Variants in CAMTA1 observed in about 807,000 individuals in gnomAD.
The protein encoded by CAMTA1 is calmodulin-binding transcription activator 1.
In CAMTA1, 27 loss-of-function variants were observed where a neutral mutation model predicts 170.9. The ratio of observed to expected loss-of-function variants is 0.16; its 90% CI spans 0.12 to 0.22. CAMTA1 has a LOEUF of 0.22. Ranked by LOEUF, CAMTA1 falls within the 10% of genes least tolerant of loss-of-function variation. CAMTA1 has a pLI of 1.00. For missense variants in CAMTA1, 1,619 were observed against 2,217.2 expected (o/e 0.73, Z 5.42); for synonymous variants, 833 against 891.5 (o/e 0.93, Z 1.17).
chr1:7,703,909 C>A (rs994639055), intron 11 of CAMTA1, among the ~76,000 whole-genome samples: 4 of 152,094 alleles, frequency 2.6e-5, no homozygotes, highest in African/African-American at 7.2e-5. Flanking sequence ...GTGCGCAGGG[C>A]TGGAGCTGGA....
intron 5 of CAMTA1, among the ~76,000 whole-genome samples, chr1:7,339,620 G>T (rs551035605): frequency 6.6e-6 from 1 of 152,060 alleles, no homozygotes; most frequent in East Asian, 1.9e-4. Flanking sequence ...TTTTGTTTTT[G>T]AGAAAGAGTT....
intron 5 of CAMTA1, among the ~76,000 whole-genome samples, chr1:7,357,152 G>T (rs1183660935): frequency 1.3e-5 from 2 of 152,228 alleles, no homozygotes; most frequent in Non-Finnish European, 2.9e-5. Context: ...TGAAACCAAG[G>T]GCCCTGCGAT....
chr1:6,880,233 C>T (rs901762880), intron 3 of CAMTA1, among the ~76,000 whole-genome samples: 5 of 152,022 alleles, frequency 3.3e-5, no homozygotes, highest in Non-Finnish European at 7.4e-5. Flanking sequence ...ACCACCACGC[C>T]CAGCTAACTT....
chr1:6,959,180 T>C (rs1028969158), intron 3 of CAMTA1, among the ~76,000 whole-genome samples: 4 of 152,212 alleles, frequency 2.6e-5, no homozygotes, highest in Non-Finnish European at 5.9e-5. Context: ...GAAAAAATTA[T>C]ATAGATATCC....
intron 6 of CAMTA1, among the ~76,000 whole-genome samples, chr1:7,583,704 T>C (rs1576227891): frequency 6.6e-6 from 1 of 152,094 alleles, no homozygotes; most frequent in South Asian, 2.1e-4. Context: ...GGAGGCTCTG[T>C]CCCGTCCCAA....
chr1:7,718,117 T>A (rs551565318), intron 11 of CAMTA1, among the ~76,000 whole-genome samples: 179 of 152,074 alleles, frequency 1.2e-3, no homozygotes, highest in African/African-American at 4.2e-3. Flanking sequence ...GTTTTTGTAG[T>A]CCCGGTGGCT....
intron 4 of CAMTA1, among the ~76,000 whole-genome samples, chr1:7,150,712 G>A (rs1300830053): frequency 6.6e-6 from 1 of 151,986 alleles, no homozygotes; most frequent in Non-Finnish European, 1.5e-5. Context: ...ACCAAGTATT[G>A]GGATGTGCAG....
intron 5 of CAMTA1, among the ~76,000 whole-genome samples, chr1:7,406,308 A>G (rs2090283135): frequency 6.6e-6 from 1 of 152,212 alleles, no homozygotes; most frequent in Non-Finnish European, 1.5e-5. Context: ...CTGACAAGGA[A>G]GGACGAGGCT....
rs118134359 is a variant in CAMTA1, at chr1:7,651,687, G to C, written c.665-10039G>C. Among the ~76,000 whole-genome samples the C allele has an allele frequency of 2.5e-4, 38 of 152,378 alleles. 1 individual carries two copies. The East Asian group carries it at 6.6e-3, about 26-fold the overall frequency. On this transcript the variant is annotated intron_variant, in intron 7 of 22. Coordinates refer to ENST00000303635, the MANE Select transcript of CAMTA1 (RefSeq NM_015215.4). ...ATCCAGGGGTGGGGCCACCTACCTG[G>C]ATAGGGCCCAGTGGCATACAGTCAG...
At chr1:6,850,054 AAAGTT>A (rs1659802886) in intron 3 of CAMTA1, among the ~76,000 whole-genome samples, 2 of 151,932 alleles carry the variant, frequency 1.3e-5, no homozygotes, top group Admixed American at 6.6e-5. Flanking sequence ...AAAAAAAAAA[AAAGTT>A]AGTTTAGGTC....
chr1:7,000,733 C>T (rs1328751125), intron 3 of CAMTA1, among the ~76,000 whole-genome samples: 1 of 152,214 alleles, frequency 6.6e-6, no homozygotes, highest in East Asian at 1.9e-4. Context: ...TACCTGTTGA[C>T]CTCCCCCAAT....
At chr1:7,590,183 C>T (rs1226742723) in intron 6 of CAMTA1, among the ~76,000 whole-genome samples, 2 of 152,170 alleles carry the variant, frequency 1.3e-5, no homozygotes, top group East Asian at 1.9e-4. Context: ...GCCCCCAACA[C>T]GGCCCTCACA....
At chr1:7,001,897 CTTTTT>C (rs35997562) in intron 3 of CAMTA1, among the ~76,000 whole-genome samples, 1 of 137,430 alleles carries the variant, frequency 7.3e-6, no homozygotes, top group Non-Finnish European at 1.6e-5. Context: ...TCTTCTTCTT[CTTTTT>C]TTTTTTTTTT....
intron 7 of CAMTA1, among the ~76,000 whole-genome samples, chr1:7,654,250 G>A (rs980354400): frequency 2.0e-5 from 3 of 151,864 alleles, no homozygotes; most frequent in Non-Finnish European, 4.4e-5. Context: ...GCGTGGTGGC[G>A]CACACCTGTA....
chr1:7,392,043 G>A (rs10399634), intron 5 of CAMTA1, among the ~76,000 whole-genome samples: 1,773 of 152,252 alleles, frequency 0.012, 34 homozygotes, highest in African/African-American at 0.039. Flanking sequence ...TTGCCAGGTC[G>A]TATAGTAAAT....
chr1:7,159,114 T>C (rs920353660), intron 4 of CAMTA1, among the ~76,000 whole-genome samples: 3 of 151,990 alleles, frequency 2.0e-5, no homozygotes, highest in Admixed American at 6.6e-5. Flanking sequence ...TTAAAGGAAA[T>C]AGTGGGGTCT....
chr1:6,966,505 C>T lies in CAMTA1; in HGVS notation c.235-124799C>T, dbSNP rs112855487. Among the ~76,000 whole-genome samples the T allele has an allele frequency of 3.9e-3, 587 of 152,278 alleles. 6 individuals carry two copies. Among genetic ancestry groups the T allele is most frequent in the African/African-American group, 0.012 (515 of 41,550 alleles). Reference sequence around the variant, plus strand: ...TTTTCCAGGTTCATTTATGCTGTGGCACGTGCCAGAACTTCATTCCTTTTT... The same window carrying T: ...TTTTCCAGGTTCATTTATGCTGTGGTACGTGCCAGAACTTCATTCCTTTTT... On this transcript the variant is annotated intron_variant, in intron 3 of 22. Transcript: ENST00000303635.
At chr1:7,298,218 T>C (rs1388883791) in intron 5 of CAMTA1, among the ~76,000 whole-genome samples, 3 of 152,178 alleles carry the variant, frequency 2.0e-5, no homozygotes, top group African/African-American at 7.2e-5. Context: ...GTGGCCTTCC[T>C]GTGCGGGGTG....
At chr1:6,794,814 T>C (rs1387998744) in intron 1 of CAMTA1, among the ~76,000 whole-genome samples, 1 of 152,182 alleles carries the variant, frequency 6.6e-6, no homozygotes, top group African/African-American at 2.4e-5. Context: ...CCACTTTTAA[T>C]AGTTCTAAGT....
Sources: gnomAD v4.1 joint callset for allele counts (sites outside exome capture counted in the v4.1 genomes callset) on GRCh38, gnomAD v4.1.1 for gene constraint, MANE v1.5 for transcripts, NCBI Gene and HGNC (gene_info 2026-07-23, HGNC 2026-07-21) for gene names.